Variants in EPHX1 observed in about 807,000 individuals in gnomAD.
EPHX1 encodes epoxide hydratase.
Under a neutral mutation model 43.2 loss-of-function variants are expected in EPHX1, and 40 were observed. The observed-to-expected ratio is 0.93, with a 90% CI of 0.72 to 1.21. The LOEUF is 1.21. EPHX1 is among the 50% of genes most tolerant of loss of function. The pLI, the probability that EPHX1 is intolerant of heterozygous loss-of-function variation, is 0.00. For synonymous variants in EPHX1, 221 were observed against 226.7 expected (o/e 0.98, Z 0.22); for missense variants, 550 against 570.4 (o/e 0.96, Z 0.36).
intron 1 of EPHX1, among the ~76,000 whole-genome samples, chr1:225,827,422 A>T (rs1302550052): frequency 6.6e-6 from 1 of 152,226 alleles, no homozygotes; most frequent in Non-Finnish European, 1.5e-5. Flanking sequence ...TCTATGGGTT[A>T]CTTCCCTAGG....
chr1:225,830,937 G>C (rs1667553088), intron 2 of EPHX1, among the ~76,000 whole-genome samples: 1 of 152,202 alleles, frequency 6.6e-6, no homozygotes, highest in Admixed American at 6.5e-5. Context: ...AAAATCAAAA[G>C]AAGAATAATA....
At chr1:225,843,904 T>G (rs887378058) in intron 7 of EPHX1, among the ~76,000 whole-genome samples, 1 of 152,142 alleles carries the variant, frequency 6.6e-6, no homozygotes, top group African/African-American at 2.4e-5. Flanking sequence ...TTTATCTCTG[T>G]CCCTGCTCCC....
At chr1:225,821,972 C>T (rs550676728) in intron 1 of EPHX1, among the ~76,000 whole-genome samples, 1 of 152,278 alleles carries the variant, frequency 6.6e-6, no homozygotes, top group African/African-American at 2.4e-5. Flanking sequence ...CTACTTGTAT[C>T]ATTTGTTGTT....
rs899715645 is a variant in EPHX1, at chr1:225,838,747, C to T, written c.458C>T (p.Ser153Phe). ...CTGATGGTGCACGGCTGGCCCGGCT[C>T]TTTCTACGAGTTTTATAAGATCATC... ...PLLMVHGWPGSFYEFYKIIPL... is the reference protein window; with the variant it reads ...PLLMVHGWPGFFYEFYKIIPL... The change falls in exon 4 of 9, where the codon TCT (serine) becomes TTT (phenylalanine). Residue 153 changes from serine to phenylalanine, a missense_variant. Coordinates refer to ENST00000272167, the MANE Select transcript of EPHX1 (RefSeq NM_001136018.4). 2 of 1,614,196 alleles carry T rather than the reference C, an allele frequency of 1.2e-6. No individual in the cohort carries two copies. Among genetic ancestry groups the T allele is most frequent in the Middle Eastern group, 1.6e-4 (1 of 6,062 alleles).
chr1:225,831,001 A>G (rs1245557720), intron 2 of EPHX1, among the ~76,000 whole-genome samples: 1 of 152,206 alleles, frequency 6.6e-6, no homozygotes, highest in Non-Finnish European at 1.5e-5. Context: ...ATAAATTTTT[A>G]TTGGAACACA....
intron 1 of EPHX1, among the ~76,000 whole-genome samples, chr1:225,812,229 C>T (rs767020783): frequency 6.6e-6 from 1 of 152,202 alleles, no homozygotes; most frequent in Non-Finnish European, 1.5e-5. Flanking sequence ...CTTTCTGCGG[C>T]CTTCTTCCCA....
Position 225,839,868 on chromosome 1 carries a change from A to G in EPHX1, c.762A>G (p.Leu254=), listed in dbSNP as rs35561387. ...TGCACTTGAACATGGCTTTGGTTTTAAGCAACTTCTCTACCCTGACCCTCC... is the reference window on the plus strand; with the variant it reads ...TGCACTTGAACATGGCTTTGGTTTTGAGCAACTTCTCTACCCTGACCCTCC... ...KGLHLNMALV[L]SNFSTLTLLL... Residue 254 remains leucine (L), a synonymous_variant, in exon 6 of 9, where the codon TTA becomes TTG. Coordinates refer to ENST00000272167, the MANE Select transcript of EPHX1 (RefSeq NM_001136018.4). The G allele has an allele frequency of 2.7e-3, 4,424 of 1,614,028 alleles. 114 individuals are homozygous for G. The African/African-American group carries it at 0.051, about 19-fold the overall frequency.
intron 1 of EPHX1, among the ~76,000 whole-genome samples, chr1:225,818,530 A>C (rs1666828041): frequency 6.6e-6 from 1 of 152,214 alleles, no homozygotes; most frequent in Admixed American, 6.5e-5. Context: ...GCTTTTCGAC[A>C]GAGGGATTCG....
intron 3 of EPHX1, among the ~76,000 whole-genome samples, chr1:225,833,538 G>A (rs1215086566): frequency 2.0e-5 from 3 of 152,188 alleles, no homozygotes; most frequent in Non-Finnish European, 4.4e-5. Flanking sequence ...GCGCACGCCT[G>A]TAATCCCAGC....
chr1:225,843,298 G>A (rs1300976202), intron 7 of EPHX1, among the ~76,000 whole-genome samples: 1 of 152,216 alleles, frequency 6.6e-6, no homozygotes, highest in South Asian at 2.1e-4. Context: ...TTTGCTGGAT[G>A]GAGGAGAGAA....
chr1:225,832,192 A>C, intron 3 of EPHX1: 4 of 535,222 alleles, frequency 7.5e-6, no homozygotes, highest in Non-Finnish European at 1.4e-5. Context: ...AACCAAAGAA[A>C]TGCACCATCC....
chr1:225,820,092 TTTC>T (rs1263256899), intron 1 of EPHX1, among the ~76,000 whole-genome samples: 1 of 152,084 alleles, frequency 6.6e-6, no homozygotes, highest in African/African-American at 2.4e-5. Context: ...GTATATTTTC[TTTC>T]TTTCTTTTTT....
intron 1 of EPHX1, among the ~76,000 whole-genome samples, chr1:225,811,964 TA>T (rs1432596864): frequency 6.6e-6 from 1 of 152,068 alleles, no homozygotes; most frequent in Non-Finnish European, 1.5e-5. Context: ...AATATGGAGA[TA>T]AATAAAACTT....
intron 7 of EPHX1, among the ~76,000 whole-genome samples, chr1:225,844,224 T>G (rs1668700265): frequency 6.9e-6 from 1 of 145,916 alleles, no homozygotes; most frequent in Non-Finnish European, 1.5e-5. Context: ...GGAGGAGAGG[T>G]CAGTGGCAGG....
At position 225,845,553 on chromosome 1, in the gene EPHX1, TTACTC is replaced by T. The variant is rs1268244734; in HGVS notation, c.*209_*213del. The stretch of plus-strand genomic sequence containing the variant: ...AACATGGCTTTGATGATAAACGACT[TTACTC>T]TAAAAGCGGCTGGAACTCAGTGACA... On this transcript the variant is annotated 3_prime_UTR_variant, in exon 9 of 9. Transcript: ENST00000272167. 1.1e-5 allele frequency: 7 copies of T among 615,550 alleles called. No homozygotes were observed. Among genetic ancestry groups the T allele is most frequent in the Middle Eastern group, 4.4e-4 (1 of 2,274 alleles). The allele number at this position is 615,550 out of a possible 1,614,324, so 38.1% of individuals were successfully genotyped here. A position where few individuals can be genotyped will look rare whatever the true frequency, so the allele number is the denominator to read the frequency against.
chr1:225,815,949 C>A (rs551171321), intron 1 of EPHX1, among the ~76,000 whole-genome samples: 1 of 152,326 alleles, frequency 6.6e-6, no homozygotes, highest in African/African-American at 2.4e-5. Flanking sequence ...GTTATATGAT[C>A]TGCTCCTATT....
At chr1:225,821,890 C>T (rs1353302109) in intron 1 of EPHX1, among the ~76,000 whole-genome samples, 1 of 152,110 alleles carries the variant, frequency 6.6e-6, no homozygotes, top group Admixed American at 6.5e-5. Context: ...ACTTTATTTG[C>T]TCTCCTGTAT....
intron 1 of EPHX1, among the ~76,000 whole-genome samples, chr1:225,822,977 T>C (rs1324231629): frequency 6.6e-6 from 1 of 152,142 alleles, no homozygotes; most frequent in Non-Finnish European, 1.5e-5. Context: ...CTCTGGGGTC[T>C]GTTACAAGGC....
chr1:225,839,959 G>A lies in EPHX1; in HGVS notation c.853G>A (p.Val285Ile), dbSNP rs45449793. The A allele has an allele frequency of 1.9e-5, 30 of 1,614,086 alleles. No individual in the cohort carries two copies. The Middle Eastern group carries it at 4.9e-4, about 27-fold the overall frequency. Residue 285 changes from valine (V) to isoleucine (I), a missense_variant, in exon 6 of 9, where the codon GTC becomes ATC. Physicochemically the swap from Val to Ile is conservative, Grantham distance 29. Transcript: ENST00000272167. ...TERDVELLYP[V>I]KEKVFYSLMR... Reference sequence around the variant, plus strand: ...GAGGGATGTGGAGCTGCTGTACCCCGTCAAGGAGAAGGTATTCTACAGCCT... The same window carrying A: ...GAGGGATGTGGAGCTGCTGTACCCCATCAAGGAGAAGGTATTCTACAGCCT...
Sources: allele counts gnomAD v4.1 joint callset (sites outside exome capture counted in the v4.1 genomes callset), GRCh38; gene constraint gnomAD v4.1.1; transcripts MANE v1.5; gene names NCBI Gene and HGNC (gene_info 2026-07-23, HGNC 2026-07-21).